GPM6A: variants seen among roughly 807,000 people sequenced by gnomAD.
The protein encoded by GPM6A is glycoprotein M6A, also known as neuronal membrane glycoprotein M6-a.
A neutral mutation model predicts 32.1 loss-of-function variants in GPM6A; 7 were observed. The ratio of observed to expected loss-of-function variants is 0.22; its 90% confidence interval spans 0.12 to 0.41. GPM6A has a LOEUF of 0.41. GPM6A is among the 10% of genes least tolerant of loss of function. GPM6A has a pLI of 1.00. For missense variants in GPM6A, 235 were observed against 347.2 expected (o/e 0.68, Z 2.57); for synonymous variants, 130 against 123.4 (o/e 1.05, Z -0.35).
At chr4:175,831,574 T>C (rs1735611370) in intron 1 of GPM6A, among the ~76,000 whole-genome samples, 1 of 152,146 alleles carries the variant, frequency 6.6e-6, no homozygotes, top group South Asian at 2.1e-4. Context: ...CCGTGCTTAA[T>C]TAGATTCATT....
chr4:175,770,037 T>G (rs1489355480), intron 1 of GPM6A, among the ~76,000 whole-genome samples: 1 of 152,196 alleles, frequency 6.6e-6, no homozygotes, highest in Non-Finnish European at 1.5e-5. Flanking sequence ...GTTTTTTGTT[T>G]TGTTTTGTTT....
upstream of GPM6A, chr4:176,002,364 C>A (rs941191643): frequency 6.4e-7 from 1 of 1,569,850 alleles, no homozygotes; most frequent in Non-Finnish European, 8.6e-7. Context: ...AGTGACCAGA[C>A]GCTGCGCGGG....
intron 2 of GPM6A, among the ~76,000 whole-genome samples, chr4:175,694,866 G>A (rs1298783648): frequency 6.6e-6 from 1 of 152,040 alleles, no homozygotes; most frequent in African/African-American, 2.4e-5. Context: ...GCCCAGAGGT[G>A]TAGGAGGAAA....
Position 175,908,128 on chromosome 4 carries a change from T to A in GPM6A, c.-23+94181A>T, listed in dbSNP as rs1308129618. ...TTGGCCATAGTTATCATGTTATATA[T>A]AATATCACTTATTACTATGTAATTT... On this transcript the variant is annotated intron_variant, in intron 1 of 7. Coordinates refer to the GPM6A transcript ENST00000280187. 2.0e-5 allele frequency among the ~76,000 whole-genome samples: 3 copies of A among 152,216 alleles called. No individual in the cohort carries two copies. In the East Asian group the frequency reaches 5.8e-4, roughly 29 times the overall value.
chr4:176,002,229 A>G, intron 1 of GPM6A: 1 of 1,416,290 alleles, frequency 7.1e-7, no homozygotes, highest in Non-Finnish European at 9.8e-7. Flanking sequence ...GAGGCCGAGG[A>G]ACATTCATTT....
chr4:175,931,667 AAT>A (rs375147884), intron 1 of GPM6A, among the ~76,000 whole-genome samples: 12 of 131,808 alleles, frequency 9.1e-5, no homozygotes, highest in African/African-American at 3.1e-4. Flanking sequence ...TGTGTTAAAA[AAT>A]ATACACACAC....
chr4:175,682,966 G>A (rs1743770904), intron 2 of GPM6A, among the ~76,000 whole-genome samples: 1 of 152,208 alleles, frequency 6.6e-6, no homozygotes, highest in Non-Finnish European at 1.5e-5. Context: ...TAGTGGAACT[G>A]TGAGAAGTGG....
At chr4:175,742,113 T>C (rs916701745) in intron 1 of GPM6A, among the ~76,000 whole-genome samples, 2 of 152,114 alleles carry the variant, frequency 1.3e-5, no homozygotes, top group Non-Finnish European at 2.9e-5. Flanking sequence ...GAAAAAAATA[T>C]TAAACTTTTC....
chr4:175,973,053 C>A (rs1164264233), intron 1 of GPM6A, among the ~76,000 whole-genome samples: 1 of 152,054 alleles, frequency 6.6e-6, no homozygotes, highest in African/African-American at 2.4e-5. Context: ...ACAGTGAACA[C>A]CCACCTGAAA....
intron 1 of GPM6A, among the ~76,000 whole-genome samples, chr4:175,779,245 TTGA>T (rs1356148776): frequency 1.3e-5 from 2 of 152,146 alleles, no homozygotes; most frequent in African/African-American, 4.8e-5. Flanking sequence ...CGTTACCCAT[TTGA>T]TGTGGAAGTC....
chr4:175,712,137 T>TATGTGATGA (rs1433273006), intron 1 of GPM6A, among the ~76,000 whole-genome samples: 2 of 152,142 alleles, frequency 1.3e-5, no homozygotes, highest in Non-Finnish European at 2.9e-5. Flanking sequence ...CACAATTGAA[T>TATGTGATGA]ATAATGAGAT....
At chr4:175,765,785 G>T (rs1732939893) in intron 1 of GPM6A, among the ~76,000 whole-genome samples, 1 of 151,946 alleles carries the variant, frequency 6.6e-6, no homozygotes. Flanking sequence ...TCACTTCCTG[G>T]CTCTCTTTTC....
chr4:175,651,438 G>A (rs896988977), intron 4 of GPM6A, among the ~76,000 whole-genome samples: 4 of 151,824 alleles, frequency 2.6e-5, no homozygotes, highest in East Asian at 1.9e-4. Context: ...AATGAACTGT[G>A]CCCTTCTTAG....
chr4:175,674,632 A>G lies in GPM6A; in HGVS notation c.231-796T>C, dbSNP rs1477252207. On this transcript the variant is annotated intron_variant, in intron 2 of 6. Transcript: ENST00000393658. ...ATGCAGTAGTTTTACATAAAATGAT[A>G]CAAATTCCATATTTTTACGTTACAG... 2.0e-5 allele frequency among the ~76,000 whole-genome samples: 3 copies of G among 152,344 alleles called. No individual in the cohort carries two copies. In the East Asian group the frequency reaches 5.8e-4, roughly 29 times the overall value.
intron 1 of GPM6A, chr4:175,962,142 C>T (rs936145697): frequency 2.1e-5 from 17 of 813,514 alleles, no homozygotes; most frequent in African/African-American, 1.7e-4. Flanking sequence ...GACAATGTTA[C>T]AGGACATCAA....
chr4:175,889,899 A>G (rs1737586746), intron 1 of GPM6A, among the ~76,000 whole-genome samples: 1 of 152,172 alleles, frequency 6.6e-6, no homozygotes, highest in Admixed American at 6.5e-5. Context: ...AAAGGAAAAG[A>G]TAAGTCACTG....
At chr4:175,660,187 C>T (rs983396221) in intron 3 of GPM6A, among the ~76,000 whole-genome samples, 7 of 151,978 alleles carry the variant, frequency 4.6e-5, no homozygotes, top group Non-Finnish European at 7.4e-5. Context: ...ATCACGAGGT[C>T]AGGAGTTCAA....
At chr4:175,963,984 G>T (rs948269427) in intron 1 of GPM6A, among the ~76,000 whole-genome samples, 8 of 151,420 alleles carry the variant, frequency 5.3e-5, no homozygotes, top group Non-Finnish European at 1.0e-4. Flanking sequence ...AAACTCAATG[G>T]CAACCACTCA....
chr4:175,652,062 G>T (rs1355109657), intron 3 of GPM6A, 75 bp from the exon 4 acceptor site: 1 of 1,144,930 alleles, frequency 8.7e-7, no homozygotes, highest in Admixed American at 2.3e-5. Flanking sequence ...AATCTGCAAA[G>T]CTCCATTATA....
Sources: gnomAD v4.1 joint callset for allele counts (sites outside exome capture counted in the v4.1 genomes callset) on GRCh38, gnomAD v4.1.1 for gene constraint, MANE v1.5 for transcripts, NCBI Gene and HGNC (gene_info 2026-07-23, HGNC 2026-07-21) for gene names.